MYO16: variants seen among roughly 807,000 people sequenced by gnomAD.
MYO16 encodes unconventional myosin-XVI.
A neutral mutation model predicts 205.3 loss-of-function variants in MYO16; 94 were observed. That is an observed-to-expected ratio of 0.46 (90% CI 0.39 to 0.54). The LOEUF is 0.54. MYO16 is among the 20% of genes least tolerant of loss of function. The pLI, the probability that MYO16 is intolerant of heterozygous loss-of-function variation, is 0.00. For synonymous variants in MYO16, 988 were observed against 954.0 expected (o/e 1.04, Z -0.66); for missense variants, 2,315 against 2,387.5 (o/e 0.97, Z 0.63).
chr13:109,138,766 G>A (rs1483442813), intron 31 of MYO16, among the ~76,000 whole-genome samples: 2 of 151,790 alleles, frequency 1.3e-5, no homozygotes, highest in Non-Finnish European at 1.5e-5. Flanking sequence ...ATCCACACAA[G>A]TGTTTTTGTT....
At chr13:108,918,427 C>T (rs1424995342) in intron 16 of MYO16, among the ~76,000 whole-genome samples, 1 of 152,198 alleles carries the variant, frequency 6.6e-6, no homozygotes, top group African/African-American at 2.4e-5. Flanking sequence ...CTTCTAATAA[C>T]TCTATGAGAC....
the MYO16 span, among the ~76,000 whole-genome samples, chr13:108,577,962 A>G: frequency 6.6e-6 from 1 of 152,182 alleles, no homozygotes; most frequent in African/African-American, 2.4e-5. Context: ...TAGCCCCATC[A>G]GGGATCTTTT....
chr13:108,978,641 TAGTG>T (rs1237288887), intron 20 of MYO16, among the ~76,000 whole-genome samples: 3 of 152,046 alleles, frequency 2.0e-5, no homozygotes, highest in African/African-American at 7.2e-5. Flanking sequence ...TTATTTTCAT[TAGTG>T]AGATGAGATT....
intron 21 of MYO16, among the ~76,000 whole-genome samples, chr13:109,006,986 G>A (rs1011626942): frequency 6.6e-6 from 1 of 152,152 alleles, no homozygotes; most frequent in Non-Finnish European, 1.5e-5. Flanking sequence ...CCGGAGGAGA[G>A]GGGAGAAAGT....
rs73614685 is a variant in MYO16, at chr13:108,911,164, C to T, written c.1925+1014C>T. Among the ~76,000 whole-genome samples the T allele has an allele frequency of 3.6e-3, 544 of 152,028 alleles. 5 individuals are homozygous for T. The highest frequency in any genetic ancestry group is 0.012 in the African/African-American group (510 of 41,474). On this transcript the variant is annotated intron_variant, in intron 16 of 34. Transcript: ENST00000457511. ...AGAACAAATTGGCGGGGGGCAACTT[C>T]CCCAGCAAGCCCTCCTCTTGAGTAC...
intron 1 of MYO16, among the ~76,000 whole-genome samples, chr13:108,649,264 A>G (rs1880894389): frequency 6.6e-6 from 1 of 152,218 alleles, no homozygotes; most frequent in African/African-American, 2.4e-5. Context: ...CTTAAAGGAA[A>G]GATCCTGAAT....
intron 16 of MYO16, among the ~76,000 whole-genome samples, chr13:108,942,868 C>G (rs1422539818): frequency 6.6e-6 from 1 of 152,182 alleles, no homozygotes; most frequent in African/African-American, 2.4e-5. Flanking sequence ...CTTTATAAAG[C>G]TAATCTGCTT....
rs767118634 is a variant in MYO16, at chr13:108,976,370, GAA to G, written c.2369+11474_2369+11475del. Among the ~76,000 whole-genome samples, 11 of 152,146 alleles carry G rather than the reference GAA, an allele frequency of 7.2e-5. No individual in the cohort carries two copies. In the East Asian group the frequency reaches 1.7e-3, roughly 24 times the overall value. ...TTCATTTAACAGGGACAAAAACTGGGAAAAAAATTGAAACTTGCTTCTGAAGC... is the reference window on the plus strand; with the variant it reads ...TTCATTTAACAGGGACAAAAACTGGGAAAAATTGAAACTTGCTTCTGAAGC... On this transcript the variant is annotated intron_variant, in intron 20 of 34. Transcript: ENST00000457511.
At chr13:108,540,712 A>G in the MYO16 span, among the ~76,000 whole-genome samples, 2 of 152,092 alleles carry the variant, frequency 1.3e-5, no homozygotes, top group African/African-American at 2.4e-5. Context: ...AACTGCTTCC[A>G]TATTCACCAT....
intron 1 of MYO16, among the ~76,000 whole-genome samples, chr13:108,614,907 A>G (rs918669165): frequency 6.6e-6 from 1 of 152,016 alleles, no homozygotes; most frequent in African/African-American, 2.4e-5. Context: ...GGATTAGGCA[A>G]TGGTTTCTTA....
At chr13:108,688,662 A>T (rs1012454113) in intron 2 of MYO16, among the ~76,000 whole-genome samples, 1 of 152,172 alleles carries the variant, frequency 6.6e-6, no homozygotes, top group African/African-American at 2.4e-5. Context: ...TAGGCAGAAA[A>T]CAGACTTCCT....
At chr13:108,522,975 C>T in the MYO16 span, among the ~76,000 whole-genome samples, 2 of 152,116 alleles carry the variant, frequency 1.3e-5, no homozygotes, top group Non-Finnish European at 2.9e-5. Context: ...GCACACACTT[C>T]AATCCATAAC....
intron 1 of MYO16, among the ~76,000 whole-genome samples, chr13:108,638,080 G>A (rs1281116023): frequency 6.6e-6 from 1 of 152,048 alleles, no homozygotes; most frequent in Non-Finnish European, 1.5e-5. Context: ...GTGGACTTGA[G>A]GGGTAATTTT....
chr13:108,696,745 C>T (rs1362487297), intron 2 of MYO16, among the ~76,000 whole-genome samples: 1 of 151,878 alleles, frequency 6.6e-6, no homozygotes, highest in African/African-American at 2.4e-5. Context: ...TACACTGTAC[C>T]CCAATTGAAA....
intron 1 of MYO16, among the ~76,000 whole-genome samples, chr13:108,639,155 G>T (rs1442540874): frequency 6.6e-6 from 1 of 152,150 alleles, no homozygotes; most frequent in East Asian, 1.9e-4. Context: ...CATTCTGATG[G>T]TACTGTAGAG....
At chr13:108,911,638 A>T (rs2139238046) in intron 16 of MYO16, among the ~76,000 whole-genome samples, 1 of 152,286 alleles carries the variant, frequency 6.6e-6, no homozygotes, top group East Asian at 1.9e-4. Flanking sequence ...AGTTGTCTGG[A>T]AGTGATTGGG....
intron 32 of MYO16, among the ~76,000 whole-genome samples, chr13:109,153,196 C>T (rs952737816): frequency 1.7e-4 from 26 of 152,206 alleles, no homozygotes; most frequent in Admixed American, 1.5e-3. Context: ...ACAAATATGT[C>T]CTCTGAAACA....
intron 23 of MYO16, among the ~76,000 whole-genome samples, chr13:109,026,054 G>C (rs1417131252): frequency 1.3e-5 from 2 of 152,104 alleles, no homozygotes; most frequent in African/African-American, 4.8e-5. Context: ...TGGCCTGAAT[G>C]GTTTATAGGC....
chr13:108,917,762 A>T (rs9587719), intron 16 of MYO16, among the ~76,000 whole-genome samples: 12,703 of 152,270 alleles, frequency 0.083, 779 homozygotes, highest in Middle Eastern at 0.22. Context: ...ATATCTCAAA[A>T]ATTCAGACTT....
Sources: allele counts gnomAD v4.1 joint callset (sites outside exome capture counted in the v4.1 genomes callset), GRCh38; gene constraint gnomAD v4.1.1; transcripts MANE v1.5; gene names NCBI Gene and HGNC (gene_info 2026-07-23, HGNC 2026-07-21).